PAPOLA: variants seen among roughly 807,000 people sequenced by gnomAD.
PAPOLA encodes the protein polynucleotide adenylyltransferase alpha.
In PAPOLA, 15 loss-of-function variants were observed where a neutral mutation model predicts 100.6. That is an observed-to-expected ratio of 0.15 (90% CI 0.10 to 0.23). PAPOLA has a LOEUF of 0.23. Ranked by LOEUF, PAPOLA falls within the 10% of genes least tolerant of loss-of-function variation. PAPOLA has a pLI of 1.00. For missense variants in PAPOLA, 533 were observed against 884.2 expected (o/e 0.60, Z 5.04); for synonymous variants, 293 against 300.0 (o/e 0.98, Z 0.24).
At chr14:96,516,983 C>G (rs1204396166) in intron 1 of PAPOLA, among the ~76,000 whole-genome samples, 1 of 151,668 alleles carries the variant, frequency 6.6e-6, no homozygotes, top group Non-Finnish European at 1.5e-5. Flanking sequence ...AGTGGATACT[C>G]TTTGTTTTTT....
At chr14:96,528,120 T>TAATAACAAC (rs1280085598) in intron 6 of PAPOLA, 114 bp downstream of exon 6, 1 of 708,162 alleles carries the variant, frequency 1.4e-6, no homozygotes, top group Admixed American at 1.9e-5. Context: ...GTGATATTAA[T>TAATAACAAC]AACAATTAAG....
chr14:96,561,796 T>G (rs1901862897), intron 20 of PAPOLA, among the ~76,000 whole-genome samples: 1 of 152,150 alleles, frequency 6.6e-6, no homozygotes, highest in Admixed American at 6.5e-5. Context: ...CTTATTTACC[T>G]TTTTTAATTT....
chr14:96,520,172 A>T lies in PAPOLA; in HGVS notation c.126A>T (p.Leu42=). The T allele has an allele frequency of 6.2e-7, 1 of 1,613,982 alleles. No individual in the cohort carries two copies. Among genetic ancestry groups the T allele is most frequent in the African/African-American group, 1.3e-5 (1 of 75,046 alleles). Residue 42 remains leucine, a synonymous_variant, in exon 2 of 22, where the codon CTA becomes CTT. Coordinates refer to ENST00000216277, the MANE Select transcript of PAPOLA (RefSeq NM_032632.5). ...CTGACTGCGTACTTACACAGAAACT[A>T]ATTGAGACATTGAAACCCTTTGGGG... is the stretch of plus-strand genomic sequence containing the variant. ...KETDCVLTQK[L]IETLKPFGVF... is the part of the protein sequence containing the mutation.
intron 12 of PAPOLA, 58 bp downstream of exon 12, chr14:96,537,118 G>C: frequency 1.1e-6 from 1 of 914,212 alleles, no homozygotes; most frequent in Admixed American, 1.7e-5. Flanking sequence ...TTTAATGGTA[G>C]CACATTATGA....
intron 19 of PAPOLA, among the ~76,000 whole-genome samples, chr14:96,559,594 T>C (rs1412830277): frequency 6.8e-6 from 1 of 147,776 alleles, no homozygotes; most frequent in African/African-American, 2.5e-5. Context: ...TATATATATA[T>C]ATACACACAC....
At chr14:96,535,665 C>A in intron 10 of PAPOLA, 1 of 902,790 alleles carries the variant, frequency 1.1e-6, no homozygotes, top group African/African-American at 1.7e-5. Context: ...TTGCCAAAAT[C>A]CAAATTGAAG....
At chr14:96,514,916 C>CT (rs1167311391) in intron 1 of PAPOLA, among the ~76,000 whole-genome samples, 2 of 152,160 alleles carry the variant, frequency 1.3e-5, no homozygotes, top group Non-Finnish European at 2.9e-5. Flanking sequence ...ATCAGGCCTG[C>CT]TTTCTCCCTT....
intron 11 of PAPOLA, 109 bp from the exon 12 acceptor site, chr14:96,536,867 A>G: frequency 1.5e-6 from 1 of 653,884 alleles, no homozygotes; most frequent in Non-Finnish European, 2.8e-6. Context: ...ATATATGTTA[A>G]AATTCTGGTT....
At chr14:96,550,264 A>G (rs998776068) in intron 16 of PAPOLA, among the ~76,000 whole-genome samples, 1 of 152,214 alleles carries the variant, frequency 6.6e-6, no homozygotes, top group Non-Finnish European at 1.5e-5. Context: ...ATTCATAATC[A>G]AATAGCTATT....
At position 96,521,673 on chromosome 14, in the gene PAPOLA, C is replaced by T. The variant is rs980241870; in HGVS notation, c.249+601C>T. On this transcript the variant is annotated intron_variant, in intron 3 of 21. Coordinates refer to ENST00000216277, the MANE Select transcript of PAPOLA (RefSeq NM_032632.5). ...ACCTGGCTAATGGTATATGTGGAGT[C>T]TTGCTGTGTTGCCCAGACTGATCTC... 8.5e-5 allele frequency among the ~76,000 whole-genome samples: 13 copies of T among 152,178 alleles called. 1 individual carries two copies. The highest frequency in any genetic ancestry group is 2.9e-4 in the African/African-American group (12 of 41,540).
In PAPOLA at chr14:96,502,576, TGCCGGC is replaced by T. The variant is rs759962060; in HGVS notation, c.-11_-6del. On this transcript the variant is annotated 5_prime_UTR_variant, in exon 1 of 22. Coordinates refer to ENST00000216277, the MANE Select transcript of PAPOLA (RefSeq NM_032632.5). The stretch of plus-strand genomic sequence containing the variant: ...TTGCGGGGGGGAAGTGACTGGGCGG[TGCCGGC>T]GCCGGAGACGATGCCGTTGTAAGTA... 3 of 1,557,892 alleles carry T rather than the reference TGCCGGC, an allele frequency of 1.9e-6. No individual in the cohort carries two copies. The South Asian group carries it at 3.6e-5, about 18-fold the overall frequency.
Position 96,525,365 on chromosome 14 carries a change from C to A in PAPOLA, c.305C>A (p.Ser102Tyr). The part of the protein sequence containing the change: ...NVGGKIFTFG[S>Y]YRLGVHTKGA... ...GGAGGAAAAATTTTTACATTTGGAT[C>A]TTACAGATTAGGAGTGCATACAAAA... is the stretch of plus-strand genomic sequence containing the variant. Residue 102 changes from serine (S) to tyrosine (Y), a missense_variant, in exon 4 of 22, where the codon TCT becomes TAT. Physicochemically the swap from Ser to Tyr is moderately radical, Grantham distance 144. Coordinates refer to ENST00000216277, the MANE Select transcript of PAPOLA (RefSeq NM_032632.5). 6.7e-7 allele frequency: 1 copy of A among 1,495,242 alleles called. No individual in the cohort carries two copies. Among genetic ancestry groups the A allele is most frequent in the Non-Finnish European group, 9.2e-7 (1 of 1,081,622 alleles). The allele number at this position is 1,495,242 out of a possible 1,614,324, so 92.6% of individuals were successfully genotyped here.
In PAPOLA at chr14:96,527,372, A is replaced by T. The variant is rs999843810; in HGVS notation, c.332-58A>T. On this transcript the variant is annotated intron_variant, in intron 4 of 21. Coordinates refer to ENST00000216277, the MANE Select transcript of PAPOLA (RefSeq NM_032632.5). ...CAACATCAAATACTACCATGATAGG[A>T]TGCAAAATAATTTTCTTGTAATATT... 6 of 989,956 alleles carry T rather than the reference A, an allele frequency of 6.1e-6. No homozygotes were observed. In the African/African-American group the frequency reaches 9.6e-5, roughly 16 times the overall value. The allele number at this position is 989,956 out of a possible 1,614,324, so 61.3% of individuals were successfully genotyped here.
intron 4 of PAPOLA, 106 bp from the exon 5 acceptor site, chr14:96,527,324 C>T (rs1189871254): frequency 3.0e-6 from 2 of 668,324 alleles, no homozygotes; most frequent in African/African-American, 1.8e-5. Context: ...TTTAGAAGCT[C>T]ACCAGTATGT....
intron 2 of PAPOLA, among the ~76,000 whole-genome samples, chr14:96,520,617 C>T (rs947885971): frequency 2.6e-5 from 4 of 152,130 alleles, no homozygotes; most frequent in African/African-American, 7.2e-5. Flanking sequence ...GCCTTGGTCT[C>T]CCAAAGTGTT....
At position 96,556,200 on chromosome 14, in the gene PAPOLA, A is replaced by C; in HGVS notation, c.1791A>C (p.Gln597His). The C allele has an allele frequency of 6.2e-7, 1 of 1,614,168 alleles. No individual in the cohort carries two copies. Among genetic ancestry groups the C allele is most frequent in the Non-Finnish European group, 8.5e-7 (1 of 1,180,018 alleles). The change falls in exon 19 of 22, where the codon CAA becomes CAC. Residue 597 changes from glutamine to histidine, a missense_variant. Physicochemically the swap from Gln to His is conservative, Grantham distance 24. Around this residue, in one of 9 missense-constraint regions of PAPOLA, gnomAD observed 242 missense variants for 281.0 expected, o/e 0.86. Coordinates refer to ENST00000216277, the MANE Select transcript of PAPOLA (RefSeq NM_032632.5). ...GTACATCGAGTGAAAGCATTCCTCA[A>C]ACTGCCACACAACCAGCCATTTCTC... Reference protein sequence around the residue: ...SGGTSSESIPQTATQPAISPP... With the variant: ...SGGTSSESIPHTATQPAISPP...
chr14:96,502,708 C>T (rs1433039261), intron 1 of PAPOLA, 108 bp downstream of exon 1: 5 of 1,260,252 alleles, frequency 4.0e-6, no homozygotes, highest in South Asian at 1.5e-5. Context: ...CCGACCCTCC[C>T]CGCTGGTAGG....
chr14:96,537,125 A>G (rs1899605406), intron 12 of PAPOLA, 65 bp downstream of exon 12: 2 of 884,726 alleles, frequency 2.3e-6, no homozygotes, highest in Non-Finnish European at 3.8e-6. Flanking sequence ...GTAGCACATT[A>G]TGACATTTCT....
intron 1 of PAPOLA, among the ~76,000 whole-genome samples, chr14:96,514,359 G>A (rs1267864892): frequency 6.7e-6 from 1 of 148,964 alleles, no homozygotes; most frequent in East Asian, 2.0e-4. Flanking sequence ...TTTTTGTTAT[G>A]TTTAGTAGAG....
Sources: gnomAD v4.1 joint callset for allele counts (sites outside exome capture counted in the v4.1 genomes callset) on GRCh38, gnomAD v4.1.1 for gene constraint, gnomAD v4.1.1 regional missense constraint, MANE v1.5 for transcripts, NCBI Gene and HGNC (gene_info 2026-07-23, HGNC 2026-07-21) for gene names.